Variants in LPXN observed in about 807,000 individuals in gnomAD.
LPXN encodes leupaxin.
LPXN carries 28 observed loss-of-function variants against 45.6 expected under a neutral mutation model. That is an observed-to-expected ratio of 0.61 (90% CI 0.45 to 0.84). The LOEUF (loss-of-function observed/expected upper bound fraction) is 0.84. LPXN is among the 40% of genes least tolerant of loss of function. The pLI, the probability that LPXN is intolerant of heterozygous loss-of-function variation, is 0.00. For missense variants in LPXN, 459 were observed against 475.0 expected, an observed-to-expected ratio of 0.97 and a Z score of 0.31; for synonymous variants, 166 against 169.9, an observed-to-expected ratio of 0.98 and a Z score of 0.18.
At chr11:58,567,554 T>A (rs1201710762) in intron 2 of LPXN, among the ~76,000 whole-genome samples, 3 of 152,232 alleles carry the variant, frequency 2.0e-5, no homozygotes, top group African/African-American at 7.2e-5. Context: ...TATTTGATAC[T>A]AATGGGAAGG....
chr11:58,530,197 G>C (rs1334907306), intron 7 of LPXN, among the ~76,000 whole-genome samples: 1 of 152,214 alleles, frequency 6.6e-6, no homozygotes, highest in Non-Finnish European at 1.5e-5. Flanking sequence ...CAGCGAGACA[G>C]AACTGTTCAC....
In LPXN at chr11:58,550,006, T is replaced by C; in HGVS notation, c.627A>G (p.Pro209=). The part of the protein sequence containing the change: ...CPNDYHQLFS[P]RCAYCAAPIL... ...TGGGAGCAGCGCAGTAAGCACAGCG[T>C]GGAGAAAAAAGTTGGTGGTAGTCGT... is the stretch of plus-strand genomic sequence containing the variant. The change falls in exon 6 of 9, where the codon CCA becomes CCG. Residue 209 remains proline (P), a synonymous_variant. Coordinates refer to ENST00000395074, the MANE Select transcript of LPXN (RefSeq NM_004811.3). The C allele has an allele frequency of 1.2e-6, 2 of 1,613,952 alleles. No homozygotes were observed. Among genetic ancestry groups the C allele is most frequent in the Non-Finnish European group, 1.7e-6 (2 of 1,179,974 alleles).
chr11:58,529,040 GT>G (rs902463810), intron 7 of LPXN, among the ~76,000 whole-genome samples: 7 of 151,772 alleles, frequency 4.6e-5, no homozygotes, highest in Admixed American at 4.6e-4. Context: ...GATACTTAGG[GT>G]TTTTTTAATG....
intron 7 of LPXN, among the ~76,000 whole-genome samples, chr11:58,532,508 C>T (rs1014915045): frequency 1.3e-5 from 2 of 152,196 alleles, no homozygotes; most frequent in African/African-American, 4.8e-5. Flanking sequence ...ATGCACCCAT[C>T]AGCACTCTGT....
chr11:58,550,549 G>A (rs1001206547), intron 5 of LPXN, among the ~76,000 whole-genome samples: 2 of 152,194 alleles, frequency 1.3e-5, no homozygotes, highest in African/African-American at 2.4e-5. Context: ...TTTATTCCAC[G>A]CCCCATGCAG....
At chr11:58,557,049 G>A (rs987913271) in intron 3 of LPXN, among the ~76,000 whole-genome samples, 1 of 152,192 alleles carries the variant, frequency 6.6e-6, no homozygotes, top group Non-Finnish European at 1.5e-5. Context: ...GATGGCAAAT[G>A]TTGGCCAGGG....
chr11:58,578,108 A>G (rs1284689126), upstream of LPXN: 4 of 1,531,252 alleles, frequency 2.6e-6, no homozygotes, highest in African/African-American at 5.6e-5. Context: ...AAGTCTGGGC[A>G]GTTACGCAGA....
At chr11:58,577,986 C>T (rs544231515), upstream of LPXN, 5 of 1,549,866 alleles carry the variant, frequency 3.2e-6, no homozygotes, top group African/African-American at 2.7e-5. Context: ...AGTCGCTGAC[C>T]TCTAGGAGCT....
intron 4 of LPXN, among the ~76,000 whole-genome samples, chr11:58,552,478 T>C (rs1010315439): frequency 6.6e-6 from 1 of 152,194 alleles, no homozygotes; most frequent in Non-Finnish European, 1.5e-5. Context: ...AAGTCTTCAC[T>C]CATCAGACAG....
rs138483377 is a variant in LPXN at position 58,528,606 on chromosome 11, A to T, written c.743-415T>A. On this transcript the variant is annotated intron_variant, in intron 7 of 8. Transcript: ENST00000395074. ...TCTTTATGGCATTTACCTTTATTTA[A>T]AATCATCTTTGTGGGCTGTCTCCCC... 6.9e-3 allele frequency among the ~76,000 whole-genome samples: 1,053 copies of T among 152,286 alleles called. 6 individuals are homozygous for T. The highest frequency in any genetic ancestry group is 0.013 in the Non-Finnish European group (862 of 68,026).
intron 7 of LPXN, among the ~76,000 whole-genome samples, chr11:58,529,710 T>C (rs1274321490): frequency 6.6e-6 from 1 of 151,878 alleles, no homozygotes; most frequent in Non-Finnish European, 1.5e-5. Flanking sequence ...ACTGATGACA[T>C]GAGCAATAAA....
At chr11:58,565,230 A>G (rs2134338466) in intron 2 of LPXN, among the ~76,000 whole-genome samples, 1 of 152,194 alleles carries the variant, frequency 6.6e-6, no homozygotes, top group East Asian at 1.9e-4. Context: ...AGCTTGTATC[A>G]TTTTTAAAAT....
intron 1 of LPXN, among the ~76,000 whole-genome samples, chr11:58,572,653 T>C (rs908159576): frequency 2.6e-5 from 4 of 152,076 alleles, no homozygotes; most frequent in African/African-American, 9.7e-5. Flanking sequence ...GTGATAATGG[T>C]ATTTTACAAT....
intron 7 of LPXN, among the ~76,000 whole-genome samples, chr11:58,528,447 C>T (rs1853293952): frequency 1.3e-5 from 2 of 152,190 alleles, no homozygotes. Context: ...ACTAAGTATT[C>T]CCTTGGCTTG....
rs1853283760 is a variant in LPXN at position 58,528,144 on chromosome 11, C to T, written c.790G>A (p.Ala264Thr). The T allele has an allele frequency of 6.2e-7, 1 of 1,614,218 alleles. No individual in the cohort carries two copies. The highest frequency in any genetic ancestry group is 2.2e-5 in the East Asian group (1 of 44,874). The change falls in exon 8 of 9, where the codon GCC becomes ACC. Residue 264 changes from alanine (A) to threonine (T), a missense_variant. By Grantham distance (58) the Ala-to-Thr change is moderately conservative. Transcript: ENST00000395074. ...CCACCACACTTGGGTGAGAACATGG[C>T]TAAGAAATCCTTTCGGCAATATGGC... Reference protein sequence around the residue: ...KKPYCRKDFLAMFSPKCGGCN... With the variant: ...KKPYCRKDFLTMFSPKCGGCN...
rs2120155054 is a variant in LPXN, at chr11:58,526,910, A to G, written c.*544T>C. 1 of 155,582 alleles carries G rather than the reference A, an allele frequency of 6.4e-6. No individual in the cohort carries two copies. The highest frequency in any genetic ancestry group is 1.9e-4 in the South Asian group (1 of 5,142). 9.6% of individuals were successfully genotyped at this position (155,582 alleles called of 1,614,324 possible). On this transcript the variant is annotated 3_prime_UTR_variant, in exon 9 of 9. Transcript: ENST00000395074. ...AGCCAGTTTATTTATCAATGATGTC[A>G]GTACTCAAAGTTGTCCAGTTAAAAT...
chr11:58,575,335 C>A (rs956044600), intron 1 of LPXN, among the ~76,000 whole-genome samples: 1 of 152,096 alleles, frequency 6.6e-6, no homozygotes, highest in Admixed American at 6.5e-5. Context: ...ACTTCTAGTC[C>A]GTCTTTTCTT....
intron 7 of LPXN, 27 bp downstream of exon 7, chr11:58,549,759 G>A: frequency 3.1e-6 from 5 of 1,605,964 alleles, no homozygotes; most frequent in Non-Finnish European, 4.3e-6. Flanking sequence ...TGGGGTGTGG[G>A]ATACAGCCTC....
chr11:58,563,771 C>T (rs1441248081), intron 3 of LPXN, among the ~76,000 whole-genome samples: 4 of 152,214 alleles, frequency 2.6e-5, no homozygotes, highest in African/African-American at 9.6e-5. Flanking sequence ...CTTAGTTTAA[C>T]CCTCATCCTA....
Sources: allele counts gnomAD v4.1 joint callset (sites outside exome capture counted in the v4.1 genomes callset), GRCh38; gene constraint gnomAD v4.1.1; transcripts MANE v1.5; gene names NCBI Gene and HGNC (gene_info 2026-07-23, HGNC 2026-07-21).